The following DZIP3 variants were observed in gnomAD, a reference collection of about 807,000 sequenced individuals.
DZIP3 encodes the protein E3 ubiquitin-protein ligase DZIP3.
A neutral mutation model predicts 162.0 loss-of-function variants in DZIP3; 118 were observed. That is an observed-to-expected ratio of 0.73 (90% confidence interval 0.63 to 0.85). The LOEUF (loss-of-function observed/expected upper bound fraction) is 0.85, where lower values mean the gene tolerates loss of function less well. Among genes scored for constraint, DZIP3 ranks in the 40% least tolerant of loss-of-function variants. The pLI is 0.00. For missense variants in DZIP3, 1,331 were observed against 1,407.0 expected (o/e 0.95, Z 0.86); for synonymous variants, 438 against 458.6 (o/e 0.96, Z 0.57).
chr3:108,650,691 G>T (rs1942823816), intron 17 of DZIP3, among the ~76,000 whole-genome samples: 1 of 151,282 alleles, frequency 6.6e-6, no homozygotes, highest in Admixed American at 6.6e-5. Flanking sequence ...TTATATATAG[G>T]TTTTCAAGAA....
chr3:108,685,940 G>C (rs1944483243), intron 27 of DZIP3, among the ~76,000 whole-genome samples: 1 of 152,016 alleles, frequency 6.6e-6, no homozygotes, highest in South Asian at 2.1e-4. Context: ...CTGTGCCACA[G>C]ACTTTTTAAA....
intron 4 of DZIP3, among the ~76,000 whole-genome samples, chr3:108,615,859 A>C (rs1940974704): frequency 6.6e-6 from 1 of 152,224 alleles, no homozygotes; most frequent in African/African-American, 2.4e-5. Context: ...GGAATATTTT[A>C]GCTATGTCAC....
intron 26 of DZIP3, among the ~76,000 whole-genome samples, chr3:108,678,662 T>C (rs1387572790): frequency 1.3e-5 from 2 of 151,944 alleles, no homozygotes; most frequent in Non-Finnish European, 2.9e-5. Context: ...CCCAGTAAAT[T>C]CACACAGCTT....
Position 108,674,086 on chromosome 3 carries a change from C to A in DZIP3, c.2598C>A (p.Phe866Leu). ...CTCTCAAAAACCTGTAGGTGTATTTCTTACAGTGTCGTAGGGATTTTGGTT... is the reference window on the plus strand; with the variant it reads ...CTCTCAAAAACCTGTAGGTGTATTTATTACAGTGTCGTAGGGATTTTGGTT... ...TSRALTAEVY[F>L]LQCRRDFGLL... Residue 866 changes from phenylalanine to leucine, a missense_variant, in exon 24 of 33, where the codon TTC becomes TTA. By Grantham distance (22) the Phe-to-Leu change is conservative. Around this residue, in one of 2 missense-constraint regions of DZIP3, gnomAD observed 1,278 missense variants for 1,317.1 expected, o/e 0.97. Coordinates refer to ENST00000361582, the MANE Select transcript of DZIP3 (RefSeq NM_014648.4). The A allele has an allele frequency of 6.2e-7, 1 of 1,611,230 alleles. No individual in the cohort carries two copies. The highest frequency in any genetic ancestry group is 1.1e-5 in the South Asian group (1 of 90,944).
intron 1 of DZIP3, among the ~76,000 whole-genome samples, chr3:108,602,650 C>T (rs1300425687): frequency 2.6e-5 from 4 of 152,024 alleles, no homozygotes; most frequent in Non-Finnish European, 2.9e-5. Context: ...TTCATGTTAA[C>T]GCTTTCTTAA....
intron 1 of DZIP3, among the ~76,000 whole-genome samples, chr3:108,598,643 T>C (rs10470299): frequency 0.012 from 1,794 of 152,290 alleles, 39 homozygotes; most frequent in African/African-American, 0.041. Flanking sequence ...TAGAGGCAAG[T>C]ACATGAAAGA....
chr3:108,599,287 A>G (rs1239495404), intron 1 of DZIP3, among the ~76,000 whole-genome samples: 2 of 152,214 alleles, frequency 1.3e-5, no homozygotes, highest in Non-Finnish European at 1.5e-5. Context: ...ACCATCATCC[A>G]TAAGTTCTGG....
At chr3:108,649,633 T>C (rs948998274) in intron 17 of DZIP3, among the ~76,000 whole-genome samples, 9 of 151,866 alleles carry the variant, frequency 5.9e-5, no homozygotes, top group Non-Finnish European at 1.5e-5. Context: ...AATCTTGATA[T>C]ATTCTGTATA....
intron 1 of DZIP3, among the ~76,000 whole-genome samples, chr3:108,599,461 A>G (rs1939879057): frequency 6.6e-6 from 1 of 152,240 alleles, no homozygotes; most frequent in Non-Finnish European, 1.5e-5. Flanking sequence ...TTTTGTTCAT[A>G]CTAATTATTG....
chr3:108,647,577 A>G (rs181570455), intron 15 of DZIP3, among the ~76,000 whole-genome samples: 7 of 152,298 alleles, frequency 4.6e-5, no homozygotes, highest in African/African-American at 1.7e-4. Flanking sequence ...CTTTTTCTTT[A>G]TATTTCAGAT....
At chr3:108,674,769 A>G (rs980444756) in intron 24 of DZIP3, among the ~76,000 whole-genome samples, 1 of 151,922 alleles carries the variant, frequency 6.6e-6, no homozygotes, top group Non-Finnish European at 1.5e-5. Flanking sequence ...TTCTCCTTAA[A>G]TTTATAATCT....
intron 26 of DZIP3, among the ~76,000 whole-genome samples, chr3:108,680,803 A>G (rs1194474925): frequency 1.3e-5 from 2 of 152,172 alleles, no homozygotes; most frequent in African/African-American, 2.4e-5. Context: ...AACGCCACAC[A>G]TTTACAACCA....
intron 9 of DZIP3, among the ~76,000 whole-genome samples, chr3:108,633,320 C>T (rs970128711): frequency 6.6e-6 from 1 of 151,840 alleles, no homozygotes; most frequent in African/African-American, 2.4e-5. Flanking sequence ...GTAAGATTCA[C>T]ATGCATCTGA....
At chr3:108,661,740 G>A (rs1943445400) in intron 19 of DZIP3, 137 bp from the exon 20 acceptor site, 3 of 607,306 alleles carry the variant, frequency 4.9e-6, no homozygotes, top group African/African-American at 1.9e-5. Flanking sequence ...TTGAGGGGAG[G>A]TGGGTTTATC....
chr3:108,609,089 A>T (rs554246627), intron 3 of DZIP3, among the ~76,000 whole-genome samples: 1 of 152,220 alleles, frequency 6.6e-6, no homozygotes, highest in African/African-American at 2.4e-5. Context: ...ATGCGACAGC[A>T]CTAGGGAGAT....
chr3:108,651,156 AC>A lies in DZIP3; in HGVS notation c.2029del (p.Gln677LysfsTer6). ...TTTCAGAATAAAGACTCAAAAGAAG[AC>A]CAAGTGTAAGTATTAGTTTATTTAA... Reference protein sequence around the residue: ...KNKKNKDSKEDQVPYVVEKEE... With the variant: ...KNKKNKDSKEXQVPYVVEKEE... On this transcript the variant is annotated frameshift_variant, in exon 18 of 33. Coordinates refer to ENST00000361582, the MANE Select transcript of DZIP3 (RefSeq NM_014648.4). LOFTEE classifies it high-confidence loss of function. 1 of 752,298 alleles carries A rather than the reference AC, an allele frequency of 1.3e-6. No individual in the cohort carries two copies. The highest frequency in any genetic ancestry group is 1.9e-6 in the Non-Finnish European group (1 of 534,936). 46.6% of individuals were successfully genotyped at this position (752,298 alleles called of 1,614,324 possible).
At chr3:108,661,638 T>G (rs540362259) in intron 19 of DZIP3, among the ~76,000 whole-genome samples, 3 of 146,222 alleles carry the variant, frequency 2.1e-5, no homozygotes, top group Non-Finnish European at 4.4e-5. Context: ...AGTATAATAA[T>G]TAAAAAAAAA....
At chr3:108,616,729 G>A (rs1941039472) in intron 5 of DZIP3, 72 bp downstream of exon 5, 1 of 1,072,512 alleles carries the variant, frequency 9.3e-7, no homozygotes, top group Non-Finnish European at 1.4e-6. Flanking sequence ...AACAGCCAAT[G>A]CATGCTTATT....
At chr3:108,599,285 C>A (rs900220922) in intron 1 of DZIP3, among the ~76,000 whole-genome samples, 2 of 152,128 alleles carry the variant, frequency 1.3e-5, no homozygotes, top group Non-Finnish European at 2.9e-5. Flanking sequence ...CCACCATCAT[C>A]CATAAGTTCT....
Sources: gnomAD v4.1 joint callset for allele counts (sites outside exome capture counted in the v4.1 genomes callset) on GRCh38, gnomAD v4.1.1 for gene constraint, gnomAD v4.1.1 regional missense constraint, MANE v1.5 for transcripts, NCBI Gene and HGNC (gene_info 2026-07-23, HGNC 2026-07-21) for gene names.